CPNE5: variants seen among roughly 807,000 people sequenced by gnomAD.
CPNE5 encodes copine-5.
In CPNE5, 42 loss-of-function variants were observed where a neutral mutation model predicts 81.1. The observed-to-expected ratio is 0.52, with a 90% confidence interval of 0.40 to 0.67. The LOEUF is 0.67. Among genes scored for constraint, CPNE5 ranks in the 30% least tolerant of loss-of-function variants. The pLI, the probability that CPNE5 is intolerant of heterozygous loss-of-function variation, is 0.00. For synonymous variants in CPNE5, 313 were observed against 321.5 expected, an observed-to-expected ratio of 0.97 and a Z score of 0.28; for missense variants, 612 against 815.5, an observed-to-expected ratio of 0.75 and a Z score of 3.04.
chr6:36,814,905 G>A (rs1207631104), intron 3 of CPNE5, among the ~76,000 whole-genome samples: 3 of 152,094 alleles, frequency 2.0e-5, no homozygotes, highest in Admixed American at 1.3e-4. Context: ...GGTGGCTCAC[G>A]CCTGTATTCC....
At chr6:36,827,700 G>GTC in intron 1 of CPNE5, 1 of 985,406 alleles carries the variant, frequency 1.0e-6, no homozygotes, top group Non-Finnish European at 1.2e-6. Context: ...GGGGCAATGA[G>GTC]TCACTTGCCC....
intron 12 of CPNE5, among the ~76,000 whole-genome samples, chr6:36,760,910 C>T (rs2150408101): frequency 6.6e-6 from 1 of 152,332 alleles, no homozygotes; most frequent in Admixed American, 6.5e-5. Flanking sequence ...AACCAGCCTC[C>T]CCCTGGGACT....
At position 36,839,417 on chromosome 6, in the gene CPNE5, C is replaced by A. The variant is rs929555611; in HGVS notation, c.-40G>T. On this transcript the variant is annotated 5_prime_UTR_variant, in exon 1 of 21. Transcript: ENST00000244751. The surrounding 1 kb of genome is among the most constrained non-coding windows in gnomAD (Gnocchi z 7.3). ...CCCACCCCAAATTAGTCAATCCCTG[C>A]GCGATTCACGCCTCCTCCGGAGCGA... 2.7e-6 allele frequency: 4 copies of A among 1,486,820 alleles called. No individual in the cohort carries two copies. The African/African-American group carries it at 5.6e-5, about 21-fold the overall frequency. The allele number at this position is 1,486,820 out of a possible 1,614,324, so 92.1% of individuals were successfully genotyped here.
intron 3 of CPNE5, among the ~76,000 whole-genome samples, chr6:36,815,136 C>G (rs375884023): frequency 6.8e-6 from 1 of 146,174 alleles, no homozygotes. Flanking sequence ...CCAGCCTGGG[C>G]GACATAGCAA....
intron 6 of CPNE5, among the ~76,000 whole-genome samples, chr6:36,797,143 G>A (rs1216869055): frequency 6.6e-6 from 1 of 152,226 alleles, no homozygotes; most frequent in African/African-American, 2.4e-5. Flanking sequence ...CTGAGCTCAG[G>A]CGATCCATCG....
At chr6:36,795,555 C>T (rs183942171) in intron 6 of CPNE5, among the ~76,000 whole-genome samples, 2 of 152,172 alleles carry the variant, frequency 1.3e-5, no homozygotes, top group East Asian at 1.9e-4. Flanking sequence ...TGGCTGGTGT[C>T]CTCATATGAA....
chr6:36,825,688 C>T (rs1015808715), intron 1 of CPNE5, among the ~76,000 whole-genome samples: 7 of 152,228 alleles, frequency 4.6e-5, no homozygotes, highest in Admixed American at 3.3e-4. Flanking sequence ...CAGTCATTCA[C>T]ACCGAGGCGG....
At chr6:36,743,810 C>T in intron 19 of CPNE5, 48 bp from the exon 20 acceptor site, 1 of 1,515,396 alleles carries the variant, frequency 6.6e-7, no homozygotes, top group Non-Finnish European at 9.1e-7. Context: ...AACGGTGGAC[C>T]CCTGGCCCTA....
At chr6:36,829,667 T>G (rs144051013) in intron 1 of CPNE5, among the ~76,000 whole-genome samples, 3,838 of 147,738 alleles carry the variant, frequency 0.026, 138 homozygotes, top group African/African-American at 0.082. Flanking sequence ...ACAAAAATTA[T>G]CCAGTCATGG....
chr6:36,743,345 A>T (rs1273132582), intron 20 of CPNE5: 1 of 576,306 alleles, frequency 1.7e-6, no homozygotes, highest in Admixed American at 6.3e-5. Context: ...CTGCAGCAAC[A>T]CTAAAGACAC....
intron 9 of CPNE5, among the ~76,000 whole-genome samples, chr6:36,777,335 C>T (rs370515322): frequency 6.6e-5 from 10 of 152,104 alleles, no homozygotes; most frequent in East Asian, 1.9e-4. Context: ...ATGTCGGTCA[C>T]GAGGCTCTCC....
intron 8 of CPNE5, among the ~76,000 whole-genome samples, chr6:36,790,291 T>C (rs1468214983): frequency 2.0e-5 from 3 of 152,146 alleles, no homozygotes; most frequent in Admixed American, 2.0e-4. Context: ...TGGCCCAAAA[T>C]AATGACTCAA....
chr6:36,775,374 G>C (rs1414203910), intron 9 of CPNE5, among the ~76,000 whole-genome samples: 1 of 152,224 alleles, frequency 6.6e-6, no homozygotes, highest in Non-Finnish European at 1.5e-5. Context: ...CCTTGAGCAA[G>C]CTCTCCCCTC....
At chr6:36,790,833 G>A (rs1225302047) in intron 8 of CPNE5, among the ~76,000 whole-genome samples, 4 of 152,100 alleles carry the variant, frequency 2.6e-5, no homozygotes, top group South Asian at 2.1e-4. Context: ...GTGAGCCACC[G>A]TGCCCGGCCC....
chr6:36,827,467 G>T, intron 1 of CPNE5: 1 of 985,114 alleles, frequency 1.0e-6, no homozygotes, highest in Non-Finnish European at 1.2e-6. Context: ...CAGGGCTCCA[G>T]AGGCCATGTT....
intron 8 of CPNE5, among the ~76,000 whole-genome samples, chr6:36,791,381 T>C (rs1247187117): frequency 2.0e-5 from 3 of 152,208 alleles, no homozygotes; most frequent in African/African-American, 7.2e-5. Flanking sequence ...ATAACTTATG[T>C]AAAGTGCCTA....
intron 11 of CPNE5, 103 bp downstream of exon 11, chr6:36,765,232 A>C: frequency 1.4e-5 from 17 of 1,215,764 alleles, no homozygotes; most frequent in Middle Eastern, 2.0e-4. Flanking sequence ...CCCCAGAGCC[A>C]CTGCGGGGGG....
intron 13 of CPNE5, chr6:36,755,513 G>GT (rs1765327340): frequency 8.2e-6 from 1 of 121,662 alleles, no homozygotes; most frequent in Non-Finnish European, 1.9e-5. Flanking sequence ...ACACAGGCAT[G>GT]TGTGTGTGTG....
At position 36,746,669 on chromosome 6, in the gene CPNE5, TAA is replaced by T; in HGVS notation, c.1019-94_1019-93del. 9.3e-7 allele frequency: 1 copy of T among 1,080,722 alleles called. No individual in the cohort carries two copies. Among genetic ancestry groups the T allele is most frequent in the Non-Finnish European group, 1.3e-6 (1 of 745,188 alleles). 66.9% of individuals were successfully genotyped at this position (1,080,722 alleles called of 1,614,324 possible). ...AGAAGGGGGTGTCCAAGGGCACCCC[TAA>T]CTTTTATTAATTCTTGACTCCTCTC... On this transcript the variant is annotated intron_variant, in intron 15 of 20. Transcript: ENST00000244751. This position sits in a 1 kb window ranked among gnomAD's most constrained non-coding sequence, Gnocchi z 4.5.
Sources: gnomAD v4.1 joint callset for allele counts (sites outside exome capture counted in the v4.1 genomes callset) on GRCh38, gnomAD v4.1.1 for gene constraint, Gnocchi (gnomAD v3.1) non-coding constraint, MANE v1.5 for transcripts, NCBI Gene and HGNC (gene_info 2026-07-23, HGNC 2026-07-21) for gene names.